The following SYNC variants were observed in gnomAD, a reference collection of about 807,000 sequenced individuals.
The protein encoded by SYNC is syncoilin.
Under a neutral mutation model 49.5 loss-of-function variants are expected in SYNC, and 38 were observed. The ratio of observed to expected loss-of-function variants is 0.77; its 90% confidence interval spans 0.59 to 1.01. SYNC has a LOEUF of 1.01. Ranked by LOEUF, SYNC falls within the 50% of genes least tolerant of loss-of-function variation. The pLI is 0.00. For missense variants in SYNC, 579 were observed against 580.6 expected (o/e 1.00, Z 0.03); for synonymous variants, 201 against 230.8 (o/e 0.87, Z 1.17).
chr1:32,682,702 T>G (rs1570888506), intron 4 of SYNC: 1 of 150,584 alleles, frequency 6.6e-6, no homozygotes, highest in South Asian at 2.1e-4. Flanking sequence ...ACCCAGGAGG[T>G]GGAGGTTGCA....
At position 32,702,739 on chromosome 1, in the gene SYNC, C is replaced by T. The variant is rs2148567109; in HGVS notation, c.-79G>A. 1.9e-6 allele frequency: 2 copies of T among 1,061,576 alleles called. No individual in the cohort carries two copies. Among genetic ancestry groups the T allele is most frequent in the African/African-American group, 3.4e-5 (2 of 59,044 alleles). The allele number at this position is 1,061,576 out of a possible 1,614,324, so 65.8% of individuals were successfully genotyped here. ...CCCTCGCTCCGGCGCCCGCGCCCGC[C>T]GCACTGCCAGCTGCAACCGACACCG... On this transcript the variant is annotated 5_prime_UTR_variant, in exon 1 of 5. Transcript: ENST00000409190. The surrounding 1 kb of genome is among the most constrained non-coding windows in gnomAD (Gnocchi z 6.2).
chr1:32,680,681 T>A lies in SYNC; in HGVS notation c.*1169A>T. The A allele has an allele frequency of 1.3e-6, 1 of 775,244 alleles. No homozygotes were observed. The highest frequency in any genetic ancestry group is 2.0e-6 in the Non-Finnish European group (1 of 493,600). The allele number at this position is 775,244 out of a possible 1,614,324, so 48.0% of individuals were successfully genotyped here. On this transcript the variant is annotated 3_prime_UTR_variant, in exon 5 of 5. Coordinates refer to ENST00000409190, the MANE Select transcript of SYNC (RefSeq NM_030786.3). ...CCATGCTGATGGGTTTTATTTAGTATAAAACATCCATCAAACACCAGTCTC... is the reference window on the plus strand; with the variant it reads ...CCATGCTGATGGGTTTTATTTAGTAAAAAACATCCATCAAACACCAGTCTC...
Position 32,680,023 on chromosome 1 carries a change from T to C in SYNC, c.*1827A>G, listed in dbSNP as rs1205377692. 1 of 1,126,066 alleles carries C rather than the reference T, an allele frequency of 8.9e-7. No homozygotes were observed. The highest frequency in any genetic ancestry group is 1.1e-6 in the Non-Finnish European group (1 of 920,292). 69.8% of individuals were successfully genotyped at this position (1,126,066 alleles called of 1,614,324 possible). The stretch of plus-strand genomic sequence containing the variant: ...TATATCCCCAAGTTTTTCAGACTCA[T>C]TTAAGTAAAGGCTAGAGTGAGTAAG... On this transcript the variant is annotated 3_prime_UTR_variant, in exon 5 of 5. Transcript: ENST00000409190.
chr1:32,684,002 A>G lies in SYNC; in HGVS notation c.1438+8T>C, dbSNP rs1442550220. The G allele has an allele frequency of 6.2e-7, 1 of 1,613,420 alleles. No individual in the cohort carries two copies. Among genetic ancestry groups the G allele is most frequent in the East Asian group, 2.2e-5 (1 of 44,890 alleles). ...TGCAAACACCACTCTTCTCTTCACA[A>G]AGATCACCTTGAGACTGTGTCTCCA... On this transcript the variant is annotated splice_region_variant and intron_variant, in intron 4 of 4. Transcript: ENST00000409190.
In SYNC at chr1:32,692,127, G is replaced by A. The variant is rs544283967; in HGVS notation, c.1233+2738C>T. Among the ~76,000 whole-genome samples, 9 of 152,244 alleles carry A rather than the reference G, an allele frequency of 5.9e-5. No homozygotes were observed. The South Asian group carries it at 1.4e-3, about 25-fold the overall frequency. ...GGCGCCTGCAATCCCAGCTACTCGG[G>A]AGGCTGAGGCAGGACAATGGCGCGA... On this transcript the variant is annotated intron_variant, in intron 2 of 4. Transcript: ENST00000409190.
intron 1 of SYNC, among the ~76,000 whole-genome samples, chr1:32,697,229 G>T (rs1281003685): frequency 6.6e-6 from 1 of 150,582 alleles, no homozygotes; most frequent in African/African-American, 2.4e-5. Flanking sequence ...ATCACCTGAG[G>T]TCGGGAGTTC....
intron 2 of SYNC, among the ~76,000 whole-genome samples, chr1:32,693,132 G>A (rs1187922074): frequency 2.0e-5 from 3 of 148,022 alleles, no homozygotes; most frequent in Non-Finnish European, 4.4e-5. Context: ...ACCCAGGCTA[G>A]AGTGCAGTGG....
intron 1 of SYNC, among the ~76,000 whole-genome samples, chr1:32,697,643 G>A (rs1650491251): frequency 6.6e-6 from 1 of 150,528 alleles, no homozygotes; most frequent in Non-Finnish European, 1.5e-5. Flanking sequence ...AGGCTGTGGT[G>A]GGAGAATCAC....
At chr1:32,697,128 A>T (rs1357633670) in intron 1 of SYNC, among the ~76,000 whole-genome samples, 1 of 151,920 alleles carries the variant, frequency 6.6e-6, no homozygotes, top group Admixed American at 6.6e-5. Flanking sequence ...TTTCTGTGTA[A>T]GTTATCTAAA....
intron 1 of SYNC, among the ~76,000 whole-genome samples, chr1:32,698,117 G>A (rs952371652): frequency 6.6e-6 from 1 of 151,352 alleles, no homozygotes; most frequent in African/African-American, 2.4e-5. Context: ...CAGCTACTCG[G>A]GAGGCTAAGG....
At chr1:32,687,690 T>C (rs1354729689) in intron 2 of SYNC, among the ~76,000 whole-genome samples, 6 of 148,868 alleles carry the variant, frequency 4.0e-5, no homozygotes, top group Admixed American at 1.3e-4. Flanking sequence ...AAGAAAAAAA[T>C]GTTTAGTCCC....
intron 1 of SYNC, among the ~76,000 whole-genome samples, chr1:32,698,442 C>T (rs1375368012): frequency 6.6e-6 from 1 of 152,108 alleles, no homozygotes; most frequent in Non-Finnish European, 1.5e-5. Flanking sequence ...TGGTGTGAAC[C>T]TGGGAAGCGG....
Position 32,695,034 on chromosome 1 carries a change from T to G in SYNC, c.1064A>C (p.Glu355Ala), listed in dbSNP as rs1178442477. ...PQFLRLLERK[E>A]AGTKALQRTQ... Reference sequence around the variant, plus strand: ...TCTCTGCAGAGCTTTGGTCCCAGCTTCTTTCCTCTCTAGGAGCCGCAGGAA... The same window carrying G: ...TCTCTGCAGAGCTTTGGTCCCAGCTGCTTTCCTCTCTAGGAGCCGCAGGAA... Residue 355 changes from glutamate to alanine, a missense_variant, in exon 2 of 5, where the codon GAA becomes GCA. Transcript: ENST00000409190. 3.1e-6 allele frequency: 5 copies of G among 1,613,786 alleles called. No homozygotes were observed. Among genetic ancestry groups the G allele is most frequent in the East Asian group, 2.2e-5 (1 of 44,868 alleles).
Position 32,681,650 on chromosome 1 carries a change from G to A in SYNC, c.*200C>T. 1 of 702,842 alleles carries A rather than the reference G, an allele frequency of 1.4e-6. No homozygotes were observed. Among genetic ancestry groups the A allele is most frequent in the South Asian group, 1.8e-5 (1 of 54,310 alleles). The allele number at this position is 702,842 out of a possible 1,614,324, so 43.5% of individuals were successfully genotyped here. ...AGCAGATGAAATAGAATCCAGCAAA[G>A]AGTTGACATGTTCTGCCTCCGGCCA... On this transcript the variant is annotated 3_prime_UTR_variant, in exon 5 of 5. Coordinates refer to ENST00000409190, the MANE Select transcript of SYNC (RefSeq NM_030786.3).
chr1:32,684,383 C>T lies in SYNC; in HGVS notation c.1234-1G>A, dbSNP rs1271256755. 2.5e-6 allele frequency: 4 copies of T among 1,614,178 alleles called. No individual in the cohort carries two copies. The highest frequency in any genetic ancestry group is 1.1e-5 in the South Asian group (1 of 91,084). ...GTTCTTCCATTTCCTCCAGCTGTTCCTGCATGAGATGGCCAAGAACATTTC... is the reference window on the plus strand; with the variant it reads ...GTTCTTCCATTTCCTCCAGCTGTTCTTGCATGAGATGGCCAAGAACATTTC... On this transcript the variant is annotated splice_acceptor_variant, in intron 2 of 4. Coordinates refer to ENST00000409190, the MANE Select transcript of SYNC (RefSeq NM_030786.3). LOFTEE classifies it high-confidence loss of function.
At chr1:32,688,919 C>T (rs1650023567) in intron 2 of SYNC, among the ~76,000 whole-genome samples, 1 of 151,298 alleles carries the variant, frequency 6.6e-6, no homozygotes, top group Non-Finnish European at 1.5e-5. Context: ...AGCATTACCC[C>T]CACCCCGCAA....
intron 2 of SYNC, among the ~76,000 whole-genome samples, chr1:32,692,694 TGAG>T (rs1173888072): frequency 6.6e-6 from 1 of 151,786 alleles, no homozygotes; most frequent in East Asian, 1.9e-4. Context: ...TGCAGTGAGC[TGAG>T]ATCATGCCAC....
chr1:32,685,031 G>A (rs1349864514), intron 2 of SYNC: 2 of 151,870 alleles, frequency 1.3e-5, no homozygotes, highest in African/African-American at 4.9e-5. Context: ...CTTTATTTTT[G>A]TATAGAGACA....
upstream of SYNC, chr1:32,703,163 C>T (rs1374084537): frequency 6.6e-6 from 1 of 152,146 alleles, no homozygotes; most frequent in Non-Finnish European, 1.5e-5. Flanking sequence ...AGGGGAAGGG[C>T]CGCAGCCACC....
Sources: gnomAD v4.1 joint callset for allele counts (sites outside exome capture counted in the v4.1 genomes callset) on GRCh38, gnomAD v4.1.1 for gene constraint, Gnocchi (gnomAD v3.1) non-coding constraint, MANE v1.5 for transcripts, NCBI Gene and HGNC (gene_info 2026-07-23, HGNC 2026-07-21) for gene names.